Variants in SYT1 observed in about 807,000 individuals in gnomAD.
The protein encoded by SYT1 is synaptotagmin 1, also known as synaptotagmin-1.
In SYT1, 8 loss-of-function variants were observed where a neutral mutation model predicts 44.8. The ratio of observed to expected loss-of-function variants is 0.18; its 90% CI spans 0.10 to 0.32. The LOEUF is 0.32. Ranked by LOEUF, SYT1 falls within the 10% of genes least tolerant of loss-of-function variation. The pLI, the probability that SYT1 is intolerant of heterozygous loss-of-function variation, is 1.00. For missense variants in SYT1, 286 were observed against 509.3 expected (o/e 0.56, Z 4.22); for synonymous variants, 154 against 188.8 (o/e 0.82, Z 1.51).
At chr12:79,291,916 C>CGCTTGCTT (rs1565893617) in intron 5 of SYT1, 92 bp from the exon 6 acceptor site, 1 of 1,489,424 alleles carries the variant, frequency 6.7e-7, no homozygotes, top group East Asian at 2.3e-5. Flanking sequence ...GTGCTTGCTT[C>CGCTTGCTT]GAACAGCTTG....
intron 3 of SYT1, among the ~76,000 whole-genome samples, chr12:79,134,985 C>CCACACACA (rs201834566): frequency 0.071 from 10,467 of 147,908 alleles, 394 homozygotes; most frequent in African/African-American, 0.094. Context: ...AATGTTCTCA[C>CCACACACA]CACACACACA....
intron 4 of SYT1, among the ~76,000 whole-genome samples, chr12:79,262,336 A>G (rs1049458407): frequency 3.9e-5 from 6 of 152,044 alleles, no homozygotes; most frequent in Non-Finnish European, 8.8e-5. Flanking sequence ...CTTAACTCCA[A>G]CCTTATGACT....
intron 2 of SYT1, 36 bp from the exon 3 acceptor site, chr12:79,047,261 G>C (rs1432060184): frequency 6.6e-6 from 1 of 151,534 alleles, no homozygotes; most frequent in Non-Finnish European, 1.5e-5. Context: ...ACTATGTGTA[G>C]TCAAGTAACC....
intron 1 of SYT1, among the ~76,000 whole-genome samples, chr12:78,925,881 A>G (rs1297059236): frequency 6.6e-6 from 1 of 152,094 alleles, no homozygotes; most frequent in East Asian, 1.9e-4. Context: ...CTAGCAAAAT[A>G]TTATTTGCAA....
At chr12:79,285,279 A>G (rs1435840827) in intron 4 of SYT1, among the ~76,000 whole-genome samples, 1 of 152,252 alleles carries the variant, frequency 6.6e-6, no homozygotes, top group African/African-American at 2.4e-5. Flanking sequence ...ATAGATGAGT[A>G]ATAGCAGCTG....
intron 9 of SYT1, among the ~76,000 whole-genome samples, chr12:79,365,670 C>T (rs928464685): frequency 1.3e-5 from 2 of 152,000 alleles, no homozygotes; most frequent in African/African-American, 4.8e-5. Context: ...GCTGCTGCTT[C>T]TACTACTGGC....
intron 1 of SYT1, among the ~76,000 whole-genome samples, chr12:78,876,461 G>GTTTTTTTTTTTTTTTTTTTTTTTT (rs1491347037): frequency 3.3e-5 from 1 of 30,214 alleles, no homozygotes; most frequent in African/African-American, 7.0e-5. Flanking sequence ...GAAAATGGAG[G>GTTTTTTTTTTTTTTTTTTTTTTTT]TGTTTTTTTT....
Position 78,971,707 on chromosome 12 carries a change from A to G in SYT1, c.-216-6092A>G, listed in dbSNP as rs369129310. Among the ~76,000 whole-genome samples the G allele has an allele frequency of 5.3e-5, 8 of 152,172 alleles. No individual in the cohort carries two copies. In the East Asian group the frequency reaches 1.2e-3, roughly 22 times the overall value. ...TTTAACTTTGTGATTCTAGAGGCAAATAAAGTCTTATGATGGCTTGACTTG... is the reference window on the plus strand; with the variant it reads ...TTTAACTTTGTGATTCTAGAGGCAAGTAAAGTCTTATGATGGCTTGACTTG... On this transcript the variant is annotated intron_variant, in intron 1 of 10. Coordinates refer to ENST00000261205, the MANE Select transcript of SYT1 (RefSeq NM_005639.3).
At chr12:79,414,208 T>C (rs765413013) in intron 9 of SYT1, among the ~76,000 whole-genome samples, 1 of 152,214 alleles carries the variant, frequency 6.6e-6, no homozygotes, top group Non-Finnish European at 1.5e-5. Context: ...GTGGGTTAAT[T>C]GCATTCTGAA....
chr12:79,206,072 T>G (rs1040480243), intron 3 of SYT1, among the ~76,000 whole-genome samples: 4 of 152,232 alleles, frequency 2.6e-5, no homozygotes, highest in Non-Finnish European at 5.9e-5. Flanking sequence ...ATTTGAATTT[T>G]ATTTTGTATT....
intron 2 of SYT1, among the ~76,000 whole-genome samples, chr12:79,025,043 G>A (rs1167171454): frequency 6.6e-6 from 1 of 151,764 alleles, no homozygotes; most frequent in Non-Finnish European, 1.5e-5. Context: ...ATACATTCAT[G>A]AGCAAAAGCT....
At position 79,020,868 on chromosome 12, in the gene SYT1, G is replaced by A. The variant is rs1328173730; in HGVS notation, c.-83-26429G>A. On this transcript the variant is annotated intron_variant, in intron 2 of 10. Transcript: ENST00000261205. ...TAATGGGTGGTAAAGTAAAAACACA[G>A]TGTGATGATGACTCCAAAGGGCTTC... Among the ~76,000 whole-genome samples, 3 of 151,946 alleles carry A rather than the reference G, an allele frequency of 2.0e-5. No individual in the cohort carries two copies. The Admixed American group carries it at 2.0e-4, about 10-fold the overall frequency.
intron 8 of SYT1, among the ~76,000 whole-genome samples, chr12:79,353,134 C>G (rs184553354): frequency 2.0e-5 from 3 of 152,260 alleles, no homozygotes; most frequent in African/African-American, 7.2e-5. Context: ...AGGCTTATTT[C>G]AAAGCTGTTT....
chr12:79,072,966 AT>A (rs1191615217), intron 3 of SYT1, among the ~76,000 whole-genome samples: 3 of 152,126 alleles, frequency 2.0e-5, no homozygotes, highest in Non-Finnish European at 4.4e-5. Flanking sequence ...CAACAAATAA[AT>A]TTTTAGTACA....
chr12:78,949,054 A>T (rs1005334376), intron 1 of SYT1, among the ~76,000 whole-genome samples: 1 of 151,222 alleles, frequency 6.6e-6, no homozygotes, highest in Admixed American at 6.6e-5. Context: ...TTCTTTAGTC[A>T]TACTAAGTTC....
At chr12:79,441,109 G>A (rs950562492) in intron 9 of SYT1, among the ~76,000 whole-genome samples, 6 of 152,122 alleles carry the variant, frequency 3.9e-5, no homozygotes, top group Non-Finnish European at 8.8e-5. Flanking sequence ...TAGGCTTATC[G>A]AGGCACAAAA....
At chr12:79,306,633 T>C (rs1880410889) in intron 8 of SYT1, among the ~76,000 whole-genome samples, 1 of 152,218 alleles carries the variant, frequency 6.6e-6, no homozygotes, top group Non-Finnish European at 1.5e-5. Flanking sequence ...CTGATACACA[T>C]AGTACCAAGA....
chr12:78,966,002 G>T (rs765343572), intron 1 of SYT1, among the ~76,000 whole-genome samples: 19 of 151,494 alleles, frequency 1.3e-4, no homozygotes, highest in Admixed American at 4.6e-4. Flanking sequence ...GCTTGAACCC[G>T]GGCGGCAAAG....
At chr12:79,310,672 G>C (rs575063987) in intron 8 of SYT1, among the ~76,000 whole-genome samples, 1 of 152,274 alleles carries the variant, frequency 6.6e-6, no homozygotes, top group East Asian at 1.9e-4. Flanking sequence ...CCATTTGTTT[G>C]TATCCTCTTT....
Sources: gnomAD v4.1 joint callset for allele counts (sites outside exome capture counted in the v4.1 genomes callset) on GRCh38, gnomAD v4.1.1 for gene constraint, MANE v1.5 for transcripts, NCBI Gene and HGNC (gene_info 2026-07-23, HGNC 2026-07-21) for gene names.